Variants in TRAPPC9 observed in about 807,000 individuals in gnomAD.
The protein encoded by TRAPPC9 is trafficking protein particle complex subunit 9, also known as IKK2 binding protein.
Under a neutral mutation model 124.0 loss-of-function variants are expected in TRAPPC9, and 83 were observed. The ratio of observed to expected loss-of-function variants is 0.67; its 90% CI spans 0.56 to 0.80. The LOEUF is 0.80. Ranked by LOEUF, TRAPPC9 falls within the 30% of genes least tolerant of loss-of-function variation. TRAPPC9 has a pLI of 0.00. For missense variants in TRAPPC9, 1,302 were observed against 1,508.3 expected, an observed-to-expected ratio of 0.86 and a Z score of 2.27; for synonymous variants, 638 against 617.5, an observed-to-expected ratio of 1.03 and a Z score of -0.49.
chr8:139,939,342 C>G (rs576289059), intron 19 of TRAPPC9, among the ~76,000 whole-genome samples: 1 of 152,174 alleles, frequency 6.6e-6, no homozygotes, highest in African/African-American at 2.4e-5. Flanking sequence ...AGAGGCGTGG[C>G]GGGCAGGTGC....
chr8:140,323,095 G>C (rs1435808076), intron 9 of TRAPPC9, among the ~76,000 whole-genome samples: 1 of 152,178 alleles, frequency 6.6e-6, no homozygotes, highest in Non-Finnish European at 1.5e-5. Context: ...TGAAAGTCGA[G>C]TTGATCAGCA....
chr8:140,407,136 T>G (rs1195772816), intron 5 of TRAPPC9, among the ~76,000 whole-genome samples: 1 of 152,202 alleles, frequency 6.6e-6, no homozygotes, highest in African/African-American at 2.4e-5. Context: ...ATTCTTAGTG[T>G]ACCCCATCTC....
intron 9 of TRAPPC9, among the ~76,000 whole-genome samples, chr8:140,336,069 C>T (rs1278633525): frequency 1.3e-5 from 2 of 151,990 alleles, no homozygotes. Flanking sequence ...TTTTTAAGAA[C>T]CTTTTTTTTT....
chr8:140,033,796 C>G (rs1026901437), intron 17 of TRAPPC9, among the ~76,000 whole-genome samples: 1 of 149,108 alleles, frequency 6.7e-6, no homozygotes, highest in Non-Finnish European at 1.5e-5. Context: ...ATTCTCCTGC[C>G]TCAGCCTCTT....
intron 20 of TRAPPC9, among the ~76,000 whole-genome samples, chr8:139,896,761 G>A (rs1027090216): frequency 6.6e-6 from 1 of 152,240 alleles, no homozygotes; most frequent in African/African-American, 2.4e-5. Context: ...CAGTTGGCCA[G>A]CAGTTGGGTC....
chr8:140,047,189 G>A (rs989914195), intron 17 of TRAPPC9, among the ~76,000 whole-genome samples: 5 of 152,214 alleles, frequency 3.3e-5, no homozygotes, highest in Non-Finnish European at 7.3e-5. Flanking sequence ...ACTCCAGGGC[G>A]GATGGTCACC....
In TRAPPC9 at chr8:140,116,449, A is replaced by T. The variant is rs375985303; in HGVS notation, c.2557-92370T>A. On this transcript the variant is annotated intron_variant, in intron 17 of 22. Coordinates refer to ENST00000438773, the MANE Select transcript of TRAPPC9 (RefSeq NM_001160372.4). ...TTCAGAGGAATCCAGTTAAGCAGCC[A>T]ACTAAGCACTCATTTTCTTCCTTTG... Among the ~76,000 whole-genome samples, 90 of 152,308 alleles carry T rather than the reference A, an allele frequency of 5.9e-4. 1 individual carries two copies. The Middle Eastern group carries it at 0.01, about 17-fold the overall frequency.
At chr8:140,186,727 A>G (rs930832158) in intron 17 of TRAPPC9, among the ~76,000 whole-genome samples, 1 of 152,226 alleles carries the variant, frequency 6.6e-6, no homozygotes, top group African/African-American at 2.4e-5. Flanking sequence ...AGCAAGTAGA[A>G]AAACAGGAAT....
intron 9 of TRAPPC9, among the ~76,000 whole-genome samples, chr8:140,342,073 A>T (rs2067211195): frequency 6.6e-6 from 1 of 152,228 alleles, no homozygotes; most frequent in Admixed American, 6.5e-5. Context: ...GAGTTGCCAT[A>T]TTCCGGACCA....
chr8:140,409,126 A>G (rs1261202325), intron 5 of TRAPPC9, among the ~76,000 whole-genome samples: 1 of 152,234 alleles, frequency 6.6e-6, no homozygotes, highest in African/African-American at 2.4e-5. Context: ...TTGAAAAAGA[A>G]AAACACAACT....
intron 21 of TRAPPC9, among the ~76,000 whole-genome samples, chr8:139,849,000 G>A (rs1295787312): frequency 6.6e-6 from 1 of 152,208 alleles, no homozygotes; most frequent in Admixed American, 6.5e-5. Flanking sequence ...CACTCAATGT[G>A]GGTGACTTCC....
intron 21 of TRAPPC9, among the ~76,000 whole-genome samples, chr8:139,804,436 C>T (rs142962756): frequency 0.012 from 1,632 of 136,058 alleles, 30 homozygotes; most frequent in South Asian, 0.018. Context: ...CCACCAAGCA[C>T]CATCACCACC....
chr8:139,737,760 C>G (rs1818295809), intron 21 of TRAPPC9, among the ~76,000 whole-genome samples: 1 of 152,184 alleles, frequency 6.6e-6, no homozygotes, highest in African/African-American at 2.4e-5. Context: ...GAATCTCCAC[C>G]TCTCTGACGC....
At chr8:139,925,059 A>C in intron 19 of TRAPPC9, among the ~76,000 whole-genome samples, 1 of 152,200 alleles carries the variant, frequency 6.6e-6, no homozygotes, top group African/African-American at 2.4e-5. Flanking sequence ...CACTGCCTAC[A>C]GGGGAAAGCT....
At chr8:140,270,277 G>A (rs1588056323) in intron 15 of TRAPPC9, among the ~76,000 whole-genome samples, 1 of 152,190 alleles carries the variant, frequency 6.6e-6, no homozygotes, top group Admixed American at 6.5e-5. Flanking sequence ...GTGGAGAGGG[G>A]AGCATCTAAG....
chr8:140,202,859 T>C lies in TRAPPC9; in HGVS notation c.2556+18600A>G, dbSNP rs111903836. ...TCTAGGCAAAAATGTTTCGTGTGAA[T>C]TCATCAAGACTTTGCATACAAATTC... On this transcript the variant is annotated intron_variant, in intron 17 of 22. Transcript: ENST00000438773. Among the ~76,000 whole-genome samples, 19 of 152,322 alleles carry C rather than the reference T, an allele frequency of 1.2e-4. 1 individual carries two copies. The highest frequency in any genetic ancestry group is 4.6e-4 in the African/African-American group (19 of 41,572).
At chr8:140,138,549 G>C (rs540946383) in intron 17 of TRAPPC9, among the ~76,000 whole-genome samples, 19 of 152,076 alleles carry the variant, frequency 1.2e-4, no homozygotes, top group Non-Finnish European at 2.6e-4. Flanking sequence ...GTCCCTCTAT[G>C]TGCTTGCTGG....
chr8:140,085,339 A>T (rs1267857554), intron 17 of TRAPPC9, among the ~76,000 whole-genome samples: 1 of 11,346 alleles, frequency 8.8e-5, no homozygotes, highest in Non-Finnish European at 1.6e-4. Flanking sequence ...CTTACTGTTT[A>T]AAAAAAAAAA....
intron 17 of TRAPPC9, among the ~76,000 whole-genome samples, chr8:140,172,180 A>C (rs2061979783): frequency 6.6e-6 from 1 of 152,212 alleles, no homozygotes; most frequent in Non-Finnish European, 1.5e-5. Flanking sequence ...CTGGACCAGA[A>C]AGCATGAGCA....
Sources: gnomAD v4.1 joint callset for allele counts (sites outside exome capture counted in the v4.1 genomes callset) on GRCh38, gnomAD v4.1.1 for gene constraint, MANE v1.5 for transcripts, NCBI Gene and HGNC (gene_info 2026-07-23, HGNC 2026-07-21) for gene names.